NKAIN2: variants seen among roughly 807,000 people sequenced by gnomAD.
The protein encoded by NKAIN2 is sodium/potassium-transporting ATPase subunit beta-1-interacting protein 2.
In NKAIN2, 14 loss-of-function variants were observed where a neutral mutation model predicts 32.6. The observed-to-expected ratio is 0.43, with a 90% CI of 0.28 to 0.67. The LOEUF is 0.67. Ranked by LOEUF, NKAIN2 falls within the 30% of genes least tolerant of loss-of-function variation. The probability of loss-of-function intolerance (pLI) is 0.17; values close to 1 mark genes in which losing one functional copy is unlikely to be tolerated. For synonymous variants in NKAIN2, 80 were observed against 87.2 expected (o/e 0.92, Z 0.46); for missense variants, 198 against 258.3 (o/e 0.77, Z 1.60).
intron 3 of NKAIN2, among the ~76,000 whole-genome samples, chr6:124,586,765 T>G (rs1283124477): frequency 2.0e-5 from 3 of 152,212 alleles, no homozygotes; most frequent in Non-Finnish European, 4.4e-5. Flanking sequence ...GCTTTATTTG[T>G]GGTCATCAAA....
intron 2 of NKAIN2, among the ~76,000 whole-genome samples, chr6:124,287,072 T>A (rs1171666000): frequency 6.6e-6 from 1 of 152,210 alleles, no homozygotes; most frequent in Non-Finnish European, 1.5e-5. Flanking sequence ...ATAAAGACAT[T>A]TACCTTTAAA....
intron 1 of NKAIN2, among the ~76,000 whole-genome samples, chr6:124,057,052 C>T (rs1362979635): frequency 6.6e-6 from 1 of 152,058 alleles, no homozygotes; most frequent in African/African-American, 2.4e-5. Flanking sequence ...ATTCAGTTAA[C>T]CATCCATCAT....
chr6:124,040,885 A>C (rs1219835319), intron 1 of NKAIN2, among the ~76,000 whole-genome samples: 1 of 152,056 alleles, frequency 6.6e-6, no homozygotes, highest in African/African-American at 2.4e-5. Context: ...TCATAATGAT[A>C]ATAGTTAAAC....
chr6:123,886,621 A>T (rs985012635), intron 1 of NKAIN2, among the ~76,000 whole-genome samples: 2 of 152,156 alleles, frequency 1.3e-5, no homozygotes, highest in Non-Finnish European at 2.9e-5. Flanking sequence ...ACTCAAGCCA[A>T]TATATAACTG....
At chr6:124,512,582 G>A (rs993746629) in intron 3 of NKAIN2, among the ~76,000 whole-genome samples, 3 of 152,068 alleles carry the variant, frequency 2.0e-5, no homozygotes, top group South Asian at 2.1e-4. Context: ...TCCTCCCACC[G>A]ACTAACAGGT....
intron 4 of NKAIN2, among the ~76,000 whole-genome samples, chr6:124,689,243 C>T (rs1353374315): frequency 6.6e-6 from 1 of 151,980 alleles, no homozygotes; most frequent in Non-Finnish European, 1.5e-5. Context: ...TGTTGGACAC[C>T]TTTTTTATCT....
intron 1 of NKAIN2, among the ~76,000 whole-genome samples, chr6:123,826,204 A>ACAAATC (rs1774140939): frequency 1.3e-5 from 2 of 152,152 alleles, no homozygotes; most frequent in African/African-American, 2.4e-5. Flanking sequence ...GATTTGTCAG[A>ACAAATC]TTTTTGCCTT....
intron 3 of NKAIN2, among the ~76,000 whole-genome samples, chr6:124,501,861 A>G (rs1437785794): frequency 1.3e-5 from 2 of 152,112 alleles, no homozygotes; most frequent in Admixed American, 6.6e-5. Flanking sequence ...GCATATTAAC[A>G]TAGAACACAT....
chr6:124,438,604 C>T (rs1326582455), intron 3 of NKAIN2, among the ~76,000 whole-genome samples: 3 of 152,124 alleles, frequency 2.0e-5, no homozygotes, highest in African/African-American at 7.2e-5. Context: ...CCACTTTTTG[C>T]AGCTGAATCT....
chr6:124,350,770 G>GA (rs1798686192), intron 2 of NKAIN2, among the ~76,000 whole-genome samples: 1 of 152,118 alleles, frequency 6.6e-6, no homozygotes, highest in South Asian at 2.1e-4. Flanking sequence ...AATTACTCTG[G>GA]AAAAAAGAGG....
chr6:124,586,442 G>A (rs981297354), intron 3 of NKAIN2, among the ~76,000 whole-genome samples: 1 of 152,038 alleles, frequency 6.6e-6, no homozygotes, highest in Non-Finnish European at 1.5e-5. Flanking sequence ...GCCTACTTGA[G>A]GGCGTAGGCT....
chr6:124,473,115 T>G (rs1777042843), intron 3 of NKAIN2, among the ~76,000 whole-genome samples: 1 of 152,212 alleles, frequency 6.6e-6, no homozygotes, highest in Non-Finnish European at 1.5e-5. Flanking sequence ...ACAATTAATT[T>G]GTTAGCATAG....
chr6:124,422,904 A>G (rs1264879593), intron 3 of NKAIN2, among the ~76,000 whole-genome samples: 2 of 152,250 alleles, frequency 1.3e-5, no homozygotes, highest in Non-Finnish European at 2.9e-5. Flanking sequence ...ATCTTATTAT[A>G]AATGGTTGAG....
chr6:124,074,816 C>T (rs914741795), intron 1 of NKAIN2, among the ~76,000 whole-genome samples: 1 of 152,156 alleles, frequency 6.6e-6, no homozygotes, highest in Non-Finnish European at 1.5e-5. Context: ...CGAACCCATA[C>T]GGAATACGCA....
At chr6:124,633,486 C>A (rs1438300297) in intron 3 of NKAIN2, among the ~76,000 whole-genome samples, 1 of 152,110 alleles carries the variant, frequency 6.6e-6, no homozygotes, top group African/African-American at 2.4e-5. Context: ...TATAGCCATT[C>A]TTAATAACTA....
chr6:123,857,262 AT>A (rs11346130), intron 1 of NKAIN2, among the ~76,000 whole-genome samples: 61,703 of 145,974 alleles, frequency 0.42, 12,886 homozygotes, highest in African/African-American at 0.52. Context: ...TGTGATTTAG[AT>A]TTTTTTTTTT....
rs75077017 is a variant in NKAIN2 at position 124,753,646 on chromosome 6, C to T, written c.475-37693C>T. ...GGAAATAAAAGTGATTAGATGGCCA[C>T]GATTGCTCCTGAATTCAGAATAAAG... On this transcript the variant is annotated intron_variant, in intron 4 of 6. Coordinates refer to ENST00000368417, the MANE Select transcript of NKAIN2 (RefSeq NM_001040214.3). Among the ~76,000 whole-genome samples the T allele has an allele frequency of 6.3e-3, 953 of 152,112 alleles. 8 individuals are homozygous for T. Among genetic ancestry groups the T allele is most frequent in the African/African-American group, 0.021 (890 of 41,536 alleles).
chr6:124,803,231 C>G (rs1327371190), intron 5 of NKAIN2, among the ~76,000 whole-genome samples: 1 of 152,206 alleles, frequency 6.6e-6, no homozygotes, highest in Non-Finnish European at 1.5e-5. Context: ...GATTTTCCCT[C>G]AAGAACCTCG....
chr6:124,300,868 A>G (rs571220140), intron 2 of NKAIN2, among the ~76,000 whole-genome samples: 2 of 152,304 alleles, frequency 1.3e-5, no homozygotes, highest in African/African-American at 4.8e-5. Context: ...GTTCAAGAGA[A>G]AGAAGAGCAT....
Sources: allele counts gnomAD v4.1 joint callset (sites outside exome capture counted in the v4.1 genomes callset), GRCh38; gene constraint gnomAD v4.1.1; transcripts MANE v1.5; gene names NCBI Gene and HGNC (gene_info 2026-07-23, HGNC 2026-07-21).